OTUD7A: variants seen among roughly 807,000 people sequenced by gnomAD.
OTUD7A encodes OTU deubiquitinase 7A, also known as OTU domain-containing protein 7A.
A neutral mutation model predicts 65.7 loss-of-function variants in OTUD7A; 12 were observed. That is an observed-to-expected ratio of 0.18 (90% CI 0.12 to 0.30). OTUD7A has a LOEUF of 0.30. Among genes scored for constraint, OTUD7A ranks in the 10% least tolerant of loss-of-function variants. OTUD7A has a pLI of 1.00. For missense variants in OTUD7A, 1,148 were observed against 1,304.8 expected (o/e 0.88, Z 1.85); for synonymous variants, 641 against 586.3 (o/e 1.09, Z -1.35).
At chr15:31,648,844 T>A (rs1393643750) in intron 3 of OTUD7A, among the ~76,000 whole-genome samples, 1 of 152,286 alleles carries the variant, frequency 6.6e-6, no homozygotes, top group Admixed American at 6.5e-5. Context: ...CACTACAACC[T>A]CCGCCTCCTG....
chr15:31,704,905 C>T (rs1893293927), intron 1 of OTUD7A, among the ~76,000 whole-genome samples: 1 of 152,000 alleles, frequency 6.6e-6, no homozygotes, highest in Non-Finnish European at 1.5e-5. Flanking sequence ...AGGGTGTGAT[C>T]AAAGAAAACC....
intron 3 of OTUD7A, among the ~76,000 whole-genome samples, chr15:31,615,839 C>T (rs571149539): frequency 6.6e-6 from 1 of 152,226 alleles, no homozygotes; most frequent in Non-Finnish European, 1.5e-5. Context: ...CCCACAGGCA[C>T]AGGCTTCAAC....
rs143402202 is a variant in OTUD7A, at chr15:31,677,974, T to C, written c.-99-20897A>G. Among the ~76,000 whole-genome samples, 386 of 152,328 alleles carry C rather than the reference T, an allele frequency of 2.5e-3. 1 individual carries two copies. The highest frequency in any genetic ancestry group is 8.4e-3 in the African/African-American group (350 of 41,570). Reference sequence around the variant, plus strand: ...TTTGATCAAAATGCTGACAGTGAGATGGACAATCAAGTCCAGGCTGAGGTG... The same window carrying C: ...TTTGATCAAAATGCTGACAGTGAGACGGACAATCAAGTCCAGGCTGAGGTG... On this transcript the variant is annotated intron_variant, in intron 1 of 12. Coordinates refer to ENST00000307050, the MANE Select transcript of OTUD7A (RefSeq NM_001382637.1).
At chr15:31,542,647 C>T (rs1484460283) in intron 5 of OTUD7A, among the ~76,000 whole-genome samples, 1 of 151,824 alleles carries the variant, frequency 6.6e-6, no homozygotes, top group Non-Finnish European at 1.5e-5. Flanking sequence ...AAGTCTAAGA[C>T]ATTCTAAGAA....
chr15:31,844,993 T>C (rs1467162161), intron 1 of OTUD7A, among the ~76,000 whole-genome samples: 1 of 152,132 alleles, frequency 6.6e-6, no homozygotes, highest in African/African-American at 2.4e-5. Flanking sequence ...AAGACCCTGC[T>C]ACCCCCAGCA....
intron 1 of OTUD7A, among the ~76,000 whole-genome samples, chr15:31,686,569 G>A (rs575615472): frequency 6.6e-6 from 1 of 152,344 alleles, no homozygotes; most frequent in Admixed American, 6.5e-5. Context: ...TCTCCAAGGA[G>A]CAGATCCAGA....
chr15:31,497,866 T>C (rs1355408153), intron 10 of OTUD7A, among the ~76,000 whole-genome samples: 1 of 152,020 alleles, frequency 6.6e-6, no homozygotes. Context: ...GAAGAGGAAA[T>C]GGGAAGGGTT....
At chr15:31,646,818 A>G (rs1464864420) in intron 3 of OTUD7A, among the ~76,000 whole-genome samples, 1 of 152,204 alleles carries the variant, frequency 6.6e-6, no homozygotes, top group East Asian at 1.9e-4. Context: ...CCAACAAAAT[A>G]GGCCAGTGAT....
chr15:31,799,330 T>G lies in OTUD7A; in HGVS notation c.-100+71177A>C, dbSNP rs138913847. 1.3e-3 allele frequency among the ~76,000 whole-genome samples: 202 copies of G among 152,304 alleles called. 2 individuals are homozygous for G. The highest frequency in any genetic ancestry group is 4.7e-3 in the African/African-American group (195 of 41,574). On this transcript the variant is annotated intron_variant, in intron 1 of 12. Transcript: ENST00000307050. Reference sequence around the variant, plus strand: ...ACTTTCAGAGAGGGAAGCAAGTCTCTCCATTACACAGTTCCTAAGTGGTGG... The same window carrying G: ...ACTTTCAGAGAGGGAAGCAAGTCTCGCCATTACACAGTTCCTAAGTGGTGG...
At chr15:31,666,641 T>C (rs1260135381) in intron 1 of OTUD7A, among the ~76,000 whole-genome samples, 1 of 152,180 alleles carries the variant, frequency 6.6e-6, no homozygotes, top group East Asian at 1.9e-4. Flanking sequence ...TTAGTTCTGC[T>C]CTGATCTTGG....
chr15:31,561,481 T>G (rs1432892816), intron 4 of OTUD7A, among the ~76,000 whole-genome samples: 2 of 152,034 alleles, frequency 1.3e-5, no homozygotes, highest in African/African-American at 4.8e-5. Flanking sequence ...TCAAGGCTGC[T>G]CTCAACAGTG....
At chr15:31,824,901 T>A (rs114002884) in intron 1 of OTUD7A, among the ~76,000 whole-genome samples, 3,443 of 152,282 alleles carry the variant, frequency 0.023, 132 homozygotes, top group African/African-American at 0.079. Flanking sequence ...AAAGAGCTCA[T>A]AGCAGCTAAG....
At chr15:31,710,627 T>A (rs1191107454) in intron 1 of OTUD7A, among the ~76,000 whole-genome samples, 1 of 152,234 alleles carries the variant, frequency 6.6e-6, no homozygotes, top group Non-Finnish European at 1.5e-5. Flanking sequence ...GTTCTTCTGC[T>A]GCCGGGTGGA....
rs536262509 is a variant in OTUD7A, at chr15:31,748,384, C to T, written c.-99-91307G>A. Among the ~76,000 whole-genome samples the T allele has an allele frequency of 3.3e-5, 5 of 151,312 alleles. No homozygotes were observed. In the East Asian group the frequency reaches 9.7e-4, roughly 29 times the overall value. On this transcript the variant is annotated intron_variant, in intron 1 of 12. Coordinates refer to ENST00000307050, the MANE Select transcript of OTUD7A (RefSeq NM_001382637.1). The stretch of plus-strand genomic sequence containing the variant: ...AAATATGCACATGTGCCTATATATA[C>T]ACAAACACACATAACTATTATATAT...
In OTUD7A at chr15:31,516,018, C is replaced by G. The variant is rs575014886; in HGVS notation, c.893+10331G>C. Reference sequence around the variant, plus strand: ...TCCTTCAATTCTTCCATTCAACCATCTATCTGCCCAAGCACCTACTTGTCT... The same window carrying G: ...TCCTTCAATTCTTCCATTCAACCATGTATCTGCCCAAGCACCTACTTGTCT... On this transcript the variant is annotated intron_variant, in intron 8 of 12. Coordinates refer to ENST00000307050, the MANE Select transcript of OTUD7A (RefSeq NM_001382637.1). Among the ~76,000 whole-genome samples the G allele has an allele frequency of 2.4e-3, 365 of 152,290 alleles. 2 individuals carry two copies. Among genetic ancestry groups the G allele is most frequent in the African/African-American group, 8.3e-3 (346 of 41,554 alleles).
At chr15:31,526,285 G>T in intron 8 of OTUD7A, 64 bp downstream of exon 8, 1 of 1,425,486 alleles carries the variant, frequency 7.0e-7, no homozygotes, top group Non-Finnish European at 9.4e-7. Context: ...CCCCCATGCT[G>T]TGTGTAGCCC....
intron 1 of OTUD7A, among the ~76,000 whole-genome samples, chr15:31,760,911 T>C (rs1003947335): frequency 6.6e-6 from 1 of 152,106 alleles, no homozygotes; most frequent in South Asian, 2.1e-4. Context: ...AAAGAACAGG[T>C]TTTTTTGGGT....
intron 1 of OTUD7A, among the ~76,000 whole-genome samples, chr15:31,820,967 C>G (rs1450730923): frequency 6.6e-6 from 1 of 151,722 alleles, no homozygotes; most frequent in African/African-American, 2.4e-5. Flanking sequence ...CCCTCCGAGG[C>G]CCCCAGCCCT....
chr15:31,729,382 T>C (rs1893980347), intron 1 of OTUD7A, among the ~76,000 whole-genome samples: 1 of 152,174 alleles, frequency 6.6e-6, no homozygotes, highest in Non-Finnish European at 1.5e-5. Context: ...CTGACTGTCA[T>C]GACAAAGAAG....
Sources: gnomAD v4.1 joint callset for allele counts (sites outside exome capture counted in the v4.1 genomes callset) on GRCh38, gnomAD v4.1.1 for gene constraint, MANE v1.5 for transcripts, NCBI Gene and HGNC (gene_info 2026-07-23, HGNC 2026-07-21) for gene names.